The following CHRNA4 variants were observed in gnomAD, a reference collection of about 807,000 sequenced individuals.
The protein encoded by CHRNA4 is neuronal acetylcholine receptor subunit alpha-4.
In CHRNA4, 28 loss-of-function variants were observed where a neutral mutation model predicts 48.9. The ratio of observed to expected loss-of-function variants is 0.57; its 90% CI spans 0.42 to 0.79. The LOEUF (loss-of-function observed/expected upper bound fraction) is 0.79, where lower values mean the gene tolerates loss of function less well. CHRNA4 is among the 30% of genes least tolerant of loss of function. The pLI, the probability that CHRNA4 is intolerant of heterozygous loss-of-function variation, is 0.00. For missense variants in CHRNA4, 859 were observed against 898.4 expected (o/e 0.96, Z 0.56); for synonymous variants, 425 against 402.3 (o/e 1.06, Z -0.68).
rs774567134 is a variant in CHRNA4, at chr20:63,356,046, G to A, written c.312C>T (p.Asp104=). ...HDYKLRWDPA[D]YENVTSIRIP... ...TGCGGATGGAGGTGACATTCTCATA[G>A]TCAGCTGGGTCCCAGCGCAGCTTGT... The change falls in exon 4 of 6, where the codon GAC becomes GAT. Residue 104 remains aspartate (D), a synonymous_variant. Coordinates refer to ENST00000370263, the MANE Select transcript of CHRNA4 (RefSeq NM_000744.7). The A allele has an allele frequency of 1.9e-6, 3 of 1,605,508 alleles. No individual in the cohort carries two copies. The highest frequency in any genetic ancestry group is 2.8e-5 in the African/African-American group (2 of 72,406).
rs1030976628 is a variant in CHRNA4 at position 63,344,631 on chromosome 20, C to T, written c.*2107G>A. ...AAAGAACAACCACAGCTGGGCCCAG[C>T]ACCCCGGGCCACTCCCTGCAGCTGC... On this transcript the variant is annotated 3_prime_UTR_variant, in exon 6 of 6. Transcript: ENST00000370263. The surrounding 1 kb of genome is among the most constrained non-coding windows in gnomAD (Gnocchi z 4.5). 4.4e-6 allele frequency: 2 copies of T among 453,814 alleles called. No homozygotes were observed. The highest frequency in any genetic ancestry group is 4.0e-5 in the African/African-American group (2 of 49,990). 28.1% of individuals were successfully genotyped at this position (453,814 alleles called of 1,614,324 possible). A position where few individuals can be genotyped will look rare whatever the true frequency, so the allele number is the denominator to read the frequency against.
rs57641753 is a variant in CHRNA4 at position 63,359,897 on chromosome 20, CTGTGTGTG to C, written c.77-206_77-199del. 334 of 436,000 alleles carry C rather than the reference CTGTGTGTG, an allele frequency of 7.7e-4. 5 individuals are homozygous for C. The highest frequency in any genetic ancestry group is 7.2e-3 in the African/African-American group (225 of 31,194). 27.0% of individuals were successfully genotyped at this position (436,000 alleles called of 1,614,324 possible). A position where few individuals can be genotyped will look rare whatever the true frequency, so the allele number is the denominator to read the frequency against. ...TGTGTGTGTGTGTGCCGGGCGTGTG[CTGTGTGTG>C]TGTGTGTGTGTGTGTGTGTGTGTGC... is the stretch of plus-strand genomic sequence containing the variant. On this transcript the variant is annotated intron_variant, in intron 1 of 5. Coordinates refer to ENST00000370263, the MANE Select transcript of CHRNA4 (RefSeq NM_000744.7).
intron 1 of CHRNA4, 88 bp downstream of exon 1, chr20:63,361,002 G>T: frequency 8.8e-7 from 1 of 1,134,038 alleles, no homozygotes; most frequent in Non-Finnish European, 1.1e-6. Flanking sequence ...TGGGACCGCA[G>T]TCAGGAGCCT....
At chr20:63,351,618 T>C (rs968180669) in intron 4 of CHRNA4, among the ~76,000 whole-genome samples, 18 of 152,158 alleles carry the variant, frequency 1.2e-4, no homozygotes, top group Non-Finnish European at 1.6e-4. Flanking sequence ...CACCTCCCAG[T>C]GTGTGAGCAT....
intron 2 of CHRNA4, among the ~76,000 whole-genome samples, chr20:63,356,987 C>A (rs1038452241): frequency 4.3e-4 from 21 of 49,116 alleles, no homozygotes; most frequent in Non-Finnish European, 1.1e-3. Context: ...GGACCACGTC[C>A]CCACCGACCA....
At position 63,350,755 on chromosome 20, in the gene CHRNA4, T is replaced by G. The variant is rs201645533; in HGVS notation, c.656A>C (p.Asn219Thr). The stretch of plus-strand genomic sequence containing the variant: ...GGCACAGCACTCGTACTTCCTGGTG[T>G]TGTAGGTGCCCACGGCATCCACGAT... ...WVIVDAVGTY[N>T]TRKYECCAEI... is the part of the protein sequence containing the mutation. The change falls in exon 5 of 6, where the codon AAC (asparagine) becomes ACC (threonine). Residue 219 changes from asparagine (N) to threonine (T), a missense_variant. Around this residue, in one of 3 missense-constraint regions of CHRNA4, gnomAD observed 342 missense variants for 365.3 expected, o/e 0.94. Transcript: ENST00000370263. The G allele has an allele frequency of 6.2e-6, 10 of 1,611,256 alleles. No homozygotes were observed. Among genetic ancestry groups the G allele is most frequent in the South Asian group, 2.2e-5 (2 of 90,892 alleles).
At position 63,343,577 on chromosome 20, in the gene CHRNA4, A is replaced by G. The variant is rs1568800640; in HGVS notation, c.*3161T>C. Reference sequence around the variant, plus strand: ...AGCCTGAGTGACAACTCCGGAGGCCAGCCATTGAGAGATTACCACGCTTCC... The same window carrying G: ...AGCCTGAGTGACAACTCCGGAGGCCGGCCATTGAGAGATTACCACGCTTCC... On this transcript the variant is annotated 3_prime_UTR_variant, in exon 6 of 6. Coordinates refer to ENST00000370263, the MANE Select transcript of CHRNA4 (RefSeq NM_000744.7). The G allele has an allele frequency of 2.2e-6, 1 of 454,036 alleles. No homozygotes were observed. Among genetic ancestry groups the G allele is most frequent in the Admixed American group, 2.3e-5 (1 of 42,578 alleles). 28.1% of individuals were successfully genotyped at this position (454,036 alleles called of 1,614,324 possible).
Position 63,350,992 on chromosome 20 carries a change from T to C in CHRNA4, c.419A>G (p.Lys140Arg), listed in dbSNP as rs1891102370. The change falls in exon 5 of 6, where the codon AAG becomes AGG. Residue 140 changes from lysine (K) to arginine (R), a missense_variant. Coordinates refer to ENST00000370263, the MANE Select transcript of CHRNA4 (RefSeq NM_000744.7). ...DGDFAVTHLT[K>R]AHLFHDGRVQ... Reference sequence around the variant, plus strand: ...CCGCCCGTCATGGAACAGGTGGGCCTTGGTCAGGTGGGTGACCGCGAAGTC... The same window carrying C: ...CCGCCCGTCATGGAACAGGTGGGCCCTGGTCAGGTGGGTGACCGCGAAGTC... 6.2e-7 allele frequency: 1 copy of C among 1,613,468 alleles called. No individual in the cohort carries two copies. Among genetic ancestry groups the C allele is most frequent in the Non-Finnish European group, 8.5e-7 (1 of 1,179,952 alleles).
intron 4 of CHRNA4, chr20:63,355,554 T>C (rs2068703796): frequency 7.7e-7 from 1 of 1,293,872 alleles, no homozygotes; most frequent in African/African-American, 1.5e-5. Flanking sequence ...GGATGGGGTC[T>C]GATGGCGAAA....
Position 63,348,416 on chromosome 20 carries a change from G to A in CHRNA4, c.1758+1237C>T, listed in dbSNP as rs904833920. On this transcript the variant is annotated intron_variant, in intron 5 of 5. Coordinates refer to ENST00000370263, the MANE Select transcript of CHRNA4 (RefSeq NM_000744.7). ...CCTGCAGGAGGTTTTGCAGCTTCTT[G>A]GGATTCAGTGGGGTGGCTGTGTGGG... Among the ~76,000 whole-genome samples the A allele has an allele frequency of 1.1e-4, 16 of 152,260 alleles. 1 individual carries two copies. The highest frequency in any genetic ancestry group is 2.1e-4 in the South Asian group (1 of 4,832).
chr20:63,347,400 G>A (rs2068513385), intron 5 of CHRNA4, among the ~76,000 whole-genome samples: 1 of 152,202 alleles, frequency 6.6e-6, no homozygotes, highest in Non-Finnish European at 1.5e-5. Context: ...GCCTCCCCTG[G>A]CCTGTCTCGT....
chr20:63,346,945 A>G (rs2123464082), intron 5 of CHRNA4, 82 bp from the exon 6 acceptor site: 1 of 1,594,296 alleles, frequency 6.3e-7, no homozygotes, highest in Non-Finnish European at 8.5e-7. Flanking sequence ...CGCCGCCGGC[A>G]ACAGCTTCTC....
chr20:63,360,429 A>G (rs930201654), intron 1 of CHRNA4, among the ~76,000 whole-genome samples: 2 of 152,176 alleles, frequency 1.3e-5, no homozygotes, highest in Non-Finnish European at 2.9e-5. Context: ...GCACAGCCCT[A>G]GGTCCATCTG....
chr20:63,361,325 C>T lies in CHRNA4; in HGVS notation c.-160G>A. 4 of 1,138,350 alleles carry T rather than the reference C, an allele frequency of 3.5e-6. No individual in the cohort carries two copies. Among genetic ancestry groups the T allele is most frequent in the South Asian group, 3.1e-5 (1 of 32,494 alleles). 70.5% of individuals were successfully genotyped at this position (1,138,350 alleles called of 1,614,324 possible). ...TGTGGGGCGCGGTGCGGCGGCGGCG[C>T]GGCAGGGAGCGCCGGGCTGTGGGCT... is the stretch of plus-strand genomic sequence containing the variant. On this transcript the variant is annotated 5_prime_UTR_variant, in exon 1 of 6. Transcript: ENST00000370263.
rs201168195 is a variant in CHRNA4, at chr20:63,346,797, C to A, written c.1825G>T (p.Val609Phe). The A allele has an allele frequency of 1.6e-5, 26 of 1,612,506 alleles. 2 individuals carry two copies. The South Asian group carries it at 2.2e-4, about 14-fold the overall frequency. ...DRIFLWMFII[V>F]CLLGTVGLFL... is the part of the protein sequence containing the mutation. ...AGGCCCACCGTCCCCAGCAGGCAGA[C>A]GATGATGAACATCCAGAGGAAGATG... The change falls in exon 6 of 6, where the codon GTC (valine) becomes TTC (phenylalanine). Residue 609 changes from valine to phenylalanine, a missense_variant. Val to Phe is a conservative substitution (Grantham distance 50). Around this residue, in one of 3 missense-constraint regions of CHRNA4, gnomAD observed 478 missense variants for 455.4 expected, o/e 1.05. Transcript: ENST00000370263.
chr20:63,359,903 G>GTGTGTGTGTGTGTGCCGGGCGTGTGC, intron 1 of CHRNA4: 1 of 442,922 alleles, frequency 2.3e-6, no homozygotes, highest in East Asian at 3.8e-5. Context: ...TGTGCTGTGT[G>GTGTGTGTGTGTGTGCCGGGCGTGTGC]TGTGTGTGTG....
Position 63,344,146 on chromosome 20 carries a change from G to A in CHRNA4, c.*2592C>T. ...TAAAAACGAAGGAACAGACAGCAAG[G>A]AGCTACGGACACACACAACAGCACG... On this transcript the variant is annotated 3_prime_UTR_variant, in exon 6 of 6. Transcript: ENST00000370263. This position sits in a 1 kb window ranked among gnomAD's most constrained non-coding sequence, Gnocchi z 4.5. 2 of 454,098 alleles carry A rather than the reference G, an allele frequency of 4.4e-6. No homozygotes were observed. Among genetic ancestry groups the A allele is most frequent in the Non-Finnish European group, 4.4e-6 (1 of 226,784 alleles). The allele number at this position is 454,098 out of a possible 1,614,324, so 28.1% of individuals were successfully genotyped here. A position where few individuals can be genotyped will look rare whatever the true frequency, so the allele number is the denominator to read the frequency against.
Position 63,345,085 on chromosome 20 carries a change from C to T in CHRNA4, c.*1653G>A. 1 of 454,060 alleles carries T rather than the reference C, an allele frequency of 2.2e-6. No homozygotes were observed. Among genetic ancestry groups the T allele is most frequent in the Non-Finnish European group, 4.4e-6 (1 of 226,750 alleles). The allele number at this position is 454,060 out of a possible 1,614,324, so 28.1% of individuals were successfully genotyped here. ...GCCTGAGTCTCCTCCCCACTCACGT[C>T]ACTGCCCGCGGGGACACAGCGGCAT... is the stretch of plus-strand genomic sequence containing the variant. On this transcript the variant is annotated 3_prime_UTR_variant, in exon 6 of 6. Coordinates refer to ENST00000370263, the MANE Select transcript of CHRNA4 (RefSeq NM_000744.7). The surrounding 1 kb of genome is among the most constrained non-coding windows in gnomAD (Gnocchi z 5.4).
intron 5 of CHRNA4, among the ~76,000 whole-genome samples, chr20:63,347,664 G>A (rs1045400969): frequency 2.6e-5 from 4 of 152,276 alleles, no homozygotes; most frequent in Non-Finnish European, 5.9e-5. Flanking sequence ...CACTGCCCTC[G>A]CCCCGGCTCC....
Sources: allele counts gnomAD v4.1 joint callset (sites outside exome capture counted in the v4.1 genomes callset), GRCh38; gene constraint gnomAD v4.1.1; regional missense constraint gnomAD v4.1.1; non-coding constraint Gnocchi (gnomAD v3.1); transcripts MANE v1.5; gene names NCBI Gene and HGNC (gene_info 2026-07-23, HGNC 2026-07-21).